The following DNAH10 variants were observed in gnomAD, a reference collection of about 807,000 sequenced individuals.
DNAH10 encodes axonemal beta dynein heavy chain 10.
A neutral mutation model predicts 506.6 loss-of-function variants in DNAH10; 348 were observed. The ratio of observed to expected loss-of-function variants is 0.69; its 90% CI spans 0.63 to 0.75. The LOEUF (loss-of-function observed/expected upper bound fraction) is 0.75, where lower values mean the gene tolerates loss of function less well. Among genes scored for constraint, DNAH10 ranks in the 30% least tolerant of loss-of-function variants. The pLI, the probability that DNAH10 is intolerant of heterozygous loss-of-function variation, is 0.00. For synonymous variants in DNAH10, 2,059 were observed against 2,198.6 expected, an observed-to-expected ratio of 0.94 and a Z score of 1.78; for missense variants, 5,179 against 5,787.1, an observed-to-expected ratio of 0.89 and a Z score of 3.41.
At chr12:123,809,957 G>A (rs768044993) in intron 19 of DNAH10, among the ~76,000 whole-genome samples, 7 of 151,980 alleles carry the variant, frequency 4.6e-5, no homozygotes, top group Non-Finnish European at 7.4e-5. Flanking sequence ...TGACCTTCTT[G>A]TCCTCTCTCT....
At position 123,917,467 on chromosome 12, in the gene DNAH10, C is replaced by T. The variant is rs141942424; in HGVS notation, c.11003-117C>T. On this transcript the variant is annotated intron_variant, in intron 63 of 78. Coordinates refer to ENST00000673944, the MANE Select transcript of DNAH10 (RefSeq NM_001372106.1). This position sits in a 1 kb window ranked among gnomAD's most constrained non-coding sequence, Gnocchi z 5.6. The stretch of plus-strand genomic sequence containing the variant: ...GTGACTTTGGTGGGCAGTGAATCCT[C>T]GTGCCTCTGGCCTGCTGGCTGAGAC... 1.2e-5 allele frequency: 12 copies of T among 1,025,680 alleles called. No individual in the cohort carries two copies. The highest frequency in any genetic ancestry group is 6.4e-5 in the African/African-American group (4 of 62,604). The allele number at this position is 1,025,680 out of a possible 1,614,324, so 63.5% of individuals were successfully genotyped here. A position where few individuals can be genotyped will look rare whatever the true frequency, so the allele number is the denominator to read the frequency against.
intron 76 of DNAH10, 126 bp downstream of exon 76, chr12:123,932,234 G>A: frequency 3.4e-6 from 4 of 1,173,350 alleles, no homozygotes; most frequent in Non-Finnish European, 4.8e-6. Context: ...TGGGTGCTCT[G>A]GAAATGGTCT....
intron 76 of DNAH10, among the ~76,000 whole-genome samples, chr12:123,932,359 C>G (rs1162676017): frequency 1.3e-5 from 2 of 152,166 alleles, no homozygotes; most frequent in African/African-American, 2.4e-5. Flanking sequence ...GCACTTGTTC[C>G]ATATTAGTAC....
At chr12:123,920,482 T>G (rs1016929331) in intron 65 of DNAH10, among the ~76,000 whole-genome samples, 4 of 152,230 alleles carry the variant, frequency 2.6e-5, no homozygotes, top group African/African-American at 4.8e-5. Context: ...CCAATAAAAC[T>G]TTTTTAGCAA....
At position 123,846,048 on chromosome 12, in the gene DNAH10, TC is replaced by T. The variant is rs1277732054; in HGVS notation, c.5710del (p.Arg1904AlafsTer16). 1 of 1,613,866 alleles carries T rather than the reference TC, an allele frequency of 6.2e-7. No individual in the cohort carries two copies. Among genetic ancestry groups the T allele is most frequent in the Non-Finnish European group, 8.5e-7 (1 of 1,179,892 alleles). ...YWDREPDELN[I>X]RQCTGTFGYG... ...GACCGGGAGCCGGATGAGCTGAACATCCGCCAGTGCACGGGAACCTTTGGCT... is the reference window on the plus strand; with the variant it reads ...GACCGGGAGCCGGATGAGCTGAACATCGCCAGTGCACGGGAACCTTTGGCT... On this transcript the variant is annotated frameshift_variant, in exon 32 of 79. Coordinates refer to ENST00000673944, the MANE Select transcript of DNAH10 (RefSeq NM_001372106.1). LOFTEE classifies it high-confidence loss of function. This position sits in a 1 kb window ranked among gnomAD's most constrained non-coding sequence, Gnocchi z 4.5.
intron 1 of DNAH10, among the ~76,000 whole-genome samples, chr12:123,766,488 C>A (rs1566308313): frequency 6.6e-6 from 1 of 152,104 alleles, no homozygotes; most frequent in Non-Finnish European, 1.5e-5. Flanking sequence ...CATGCCAATT[C>A]CTATAGTTCT....
Position 123,783,145 on chromosome 12 carries a change from G to A in DNAH10, c.880G>A (p.Gly294Arg). The change falls in exon 7 of 79, where the codon GGA (glycine) becomes AGA (arginine). Residue 294 changes from glycine to arginine, a missense_variant. Physicochemically the swap from Gly to Arg is moderately radical, Grantham distance 125. Transcript: ENST00000673944. ...KLEMPIISVE[G>R]EVSDLAADPE... The stretch of plus-strand genomic sequence containing the variant: ...AGAAATGCCAATCATCAGTGTGGAG[G>A]GAGAGGTGTCTGACCTGGCAGCTGA... The A allele has an allele frequency of 3.1e-6, 5 of 1,614,172 alleles. No individual in the cohort carries two copies. The highest frequency in any genetic ancestry group is 4.2e-6 in the Non-Finnish European group (5 of 1,180,012).
intron 51 of DNAH10, 174 bp downstream of exon 51, chr12:123,881,987 T>C (rs370322383): frequency 1.9e-6 from 1 of 529,536 alleles, no homozygotes; most frequent in Non-Finnish European, 2.9e-6. Context: ...GATATTACTA[T>C]ATTTTAACTG....
At position 123,925,238 on chromosome 12, in the gene DNAH10, C is replaced by T. The variant is rs755998747; in HGVS notation, c.11921+34C>T. 4.5e-5 allele frequency: 72 copies of T among 1,612,628 alleles called. No individual in the cohort carries two copies. Among genetic ancestry groups the T allele is most frequent in the South Asian group, 3.7e-4 (34 of 91,030 alleles). On this transcript the variant is annotated intron_variant, in intron 68 of 78. Coordinates refer to ENST00000673944, the MANE Select transcript of DNAH10 (RefSeq NM_001372106.1). The surrounding 1 kb of genome is among the most constrained non-coding windows in gnomAD (Gnocchi z 4.0). ...GTCGTTTTGTTGATTTGCCACTTTC[C>T]GTGGGGTGGAATCTCTAGCGTCCTC...
chr12:123,935,232 C>T, intron 78 of DNAH10, 103 bp from the exon 79 acceptor site: 2 of 1,429,262 alleles, frequency 1.4e-6, no homozygotes, highest in South Asian at 2.6e-5. Context: ...CAGGTGCAGT[C>T]TTGCACAGGG....
At chr12:123,873,431 TG>T in intron 45 of DNAH10, 126 bp from the exon 46 acceptor site, 1 of 1,046,158 alleles carries the variant, frequency 9.6e-7, no homozygotes, top group Non-Finnish European at 1.4e-6. Context: ...AGTCTCACAC[TG>T]GGTTATTAAA....
chr12:123,876,340 CA>C (rs1243424467), intron 47 of DNAH10, among the ~76,000 whole-genome samples: 1 of 152,060 alleles, frequency 6.6e-6, no homozygotes, highest in African/African-American at 2.4e-5. Context: ...TAGAGCAATA[CA>C]AAAAAATCAG....
At chr12:123,837,258 C>T (rs1046549625) in intron 28 of DNAH10, among the ~76,000 whole-genome samples, 16 of 150,114 alleles carry the variant, frequency 1.1e-4, no homozygotes, top group Admixed American at 6.6e-4. Flanking sequence ...GTGGGAGGAT[C>T]GCTTGAACCC....
At chr12:123,818,799 T>C (rs1395864433) in intron 21 of DNAH10, 151 bp from the exon 22 acceptor site, 1 of 609,558 alleles carries the variant, frequency 1.6e-6, no homozygotes, top group Non-Finnish European at 2.9e-6. Flanking sequence ...TGTCTGGCCT[T>C]AATATTTCAA....
intron 18 of DNAH10, among the ~76,000 whole-genome samples, chr12:123,805,271 G>A (rs1000120939): frequency 2.6e-5 from 4 of 152,164 alleles, no homozygotes; most frequent in South Asian, 2.1e-4. Flanking sequence ...CTGTCTGAAA[G>A]CCATCGTGAG....
At chr12:123,905,459 G>A (rs1335523737) in intron 57 of DNAH10, among the ~76,000 whole-genome samples, 3 of 152,186 alleles carry the variant, frequency 2.0e-5, no homozygotes, top group Non-Finnish European at 2.9e-5. Context: ...CCCCGCCGTG[G>A]GGATGGAACC....
rs1318006179 is a variant in DNAH10, at chr12:123,881,979, T to A, written c.8823+166T>A. 8.5e-6 allele frequency: 5 copies of A among 590,594 alleles called. No homozygotes were observed. In the African/African-American group the frequency reaches 9.6e-5, roughly 11 times the overall value. 36.6% of individuals were successfully genotyped at this position (590,594 alleles called of 1,614,324 possible). On this transcript the variant is annotated intron_variant, in intron 51 of 78. Transcript: ENST00000673944. ...TTATTTTTTCTTGTTTTTGGCTTGA[T>A]ATTACTATATTTTAACTGAATAGCC...
Position 123,848,085 on chromosome 12 carries a change from T to TG in DNAH10, c.5941dup (p.Asp1981GlyfsTer22). ...GTTGTCACCAACTGTGGCGAAGGCATGGATTACAGGGTAAGGCCTGGCTGT... is the reference window on the plus strand; with the variant it reads ...GTTGTCACCAACTGTGGCGAAGGCATGGGATTACAGGGTAAGGCCTGGCTGT... On this transcript the variant is annotated frameshift_variant, in exon 33 of 79. Coordinates refer to ENST00000673944, the MANE Select transcript of DNAH10 (RefSeq NM_001372106.1). LOFTEE classifies it high-confidence loss of function. 6.2e-7 allele frequency: 1 copy of TG among 1,613,540 alleles called. No individual in the cohort carries two copies. The highest frequency in any genetic ancestry group is 8.5e-7 in the Non-Finnish European group (1 of 1,179,626).
Position 123,850,817 on chromosome 12 carries a change from G to T in DNAH10, c.6103-71G>T. 1.4e-6 allele frequency: 2 copies of T among 1,479,300 alleles called. No homozygotes were observed. The highest frequency in any genetic ancestry group is 1.3e-5 in the South Asian group (1 of 77,674). The allele number at this position is 1,479,300 out of a possible 1,614,324, so 91.6% of individuals were successfully genotyped here. On this transcript the variant is annotated intron_variant, in intron 34 of 78. Coordinates refer to ENST00000673944, the MANE Select transcript of DNAH10 (RefSeq NM_001372106.1). This position sits in a 1 kb window ranked among gnomAD's most constrained non-coding sequence, Gnocchi z 5.5. ...TGAATCGCCACGCAGCTCGCCGCAG[G>T]CCCCCTTTCCAAGGGGCTGGCCGGC...
Sources: allele counts gnomAD v4.1 joint callset (sites outside exome capture counted in the v4.1 genomes callset), GRCh38; gene constraint gnomAD v4.1.1; non-coding constraint Gnocchi (gnomAD v3.1); transcripts MANE v1.5; gene names NCBI Gene and HGNC (gene_info 2026-07-23, HGNC 2026-07-21).